ITGA7: variants seen among roughly 807,000 people sequenced by gnomAD.
ITGA7 encodes integrin subunit alpha 7.
A neutral mutation model predicts 131.6 loss-of-function variants in ITGA7; 84 were observed. The observed-to-expected ratio is 0.64, with a 90% CI of 0.54 to 0.77. ITGA7 has a LOEUF of 0.77. ITGA7 is among the 30% of genes least tolerant of loss of function. The pLI, the probability that ITGA7 is intolerant of heterozygous loss-of-function variation, is 0.00. For synonymous variants in ITGA7, 548 were observed against 600.7 expected, an observed-to-expected ratio of 0.91 and a Z score of 1.28; for missense variants, 1,399 against 1,482.9, an observed-to-expected ratio of 0.94 and a Z score of 0.93.
At chr12:55,688,553 C>T (rs187940171) in intron 22 of ITGA7, among the ~76,000 whole-genome samples, 5 of 151,994 alleles carry the variant, frequency 3.3e-5, no homozygotes, top group South Asian at 2.1e-4. Flanking sequence ...GGCAAAACCC[C>T]GTCTCTATGA....
rs780832051 is a variant in ITGA7 at position 55,702,876 on chromosome 12, A to G, written c.410T>C (p.Ile137Thr). 60 of 1,612,272 alleles carry G rather than the reference A, an allele frequency of 3.7e-5. No homozygotes were observed. Among genetic ancestry groups the G allele is most frequent in the South Asian group, 3.4e-4 (31 of 91,062 alleles). ...SVRSQGPGGK[I>T]VTCAHRYEAR... The stretch of plus-strand genomic sequence containing the variant: ...GTCATGAGAAGCAATACTCACAACA[A>G]TCTTGCCCCCAGGCCCCTGGCTCCG... The change falls in exon 3 of 25, where the codon ATT becomes ACT. Residue 137 changes from isoleucine (I) to threonine (T), a missense_variant. By Grantham distance (89) the Ile-to-Thr change is moderately conservative. Coordinates refer to ENST00000257879, the MANE Select transcript of ITGA7 (RefSeq NM_002206.3).
rs1869831481 is a variant in ITGA7, at chr12:55,685,267, T to A, written c.3205A>T (p.Lys1069Ter). Reference protein sequence around the residue: ...LWKMGFFKRAKHPEATVPQYH... With the variant: ...LWKMGFFKRA ...TGGGGCACGGTGGCCTCGGGGTGCT[T>A]CGCCCGTTTGAAGAATCCCATCTAT... The change falls in exon 25 of 25, where the codon AAG becomes TAG. Residue 1069 changes from lysine to a stop codon, truncating the protein, a stop_gained. Transcript: ENST00000257879. LOFTEE classifies it high-confidence loss of function. 6.2e-7 allele frequency: 1 copy of A among 1,614,056 alleles called. No homozygotes were observed. The highest frequency in any genetic ancestry group is 2.2e-5 in the East Asian group (1 of 44,896).
At chr12:55,690,924 A>T (rs991499184) in intron 21 of ITGA7, among the ~76,000 whole-genome samples, 8 of 151,720 alleles carry the variant, frequency 5.3e-5, no homozygotes, top group Admixed American at 5.3e-4. Context: ...AACAATGAGA[A>T]CACATGGACA....
intron 3 of ITGA7, chr12:55,701,457 A>T (rs1409097164): frequency 6.5e-7 from 1 of 1,546,668 alleles, no homozygotes; most frequent in East Asian, 2.4e-5. Context: ...ACCACATAGG[A>T]TGTGTGTCTC....
chr12:55,692,481 T>C (rs1871647669), intron 21 of ITGA7, among the ~76,000 whole-genome samples: 1 of 152,244 alleles, frequency 6.6e-6, no homozygotes, highest in Non-Finnish European at 1.5e-5. Flanking sequence ...CTTACACAAA[T>C]TGACTTTTTT....
intron 12 of ITGA7, 125 bp from the exon 13 acceptor site, chr12:55,696,557 G>C: frequency 9.0e-7 from 1 of 1,113,014 alleles, no homozygotes; most frequent in Non-Finnish European, 1.3e-6. Flanking sequence ...GAATGAGAGA[G>C]GTGGAGAACT....
intron 23 of ITGA7, 47 bp downstream of exon 23, chr12:55,688,155 G>A: frequency 6.2e-7 from 1 of 1,613,934 alleles, no homozygotes; most frequent in South Asian, 1.1e-5. Flanking sequence ...GGAGGGAGCA[G>A]GAAAGAAGAG....
chr12:55,707,839 G>A lies in ITGA7; in HGVS notation c.-157C>T. 1.7e-6 allele frequency: 1 copy of A among 572,662 alleles called. No homozygotes were observed. The allele number at this position is 572,662 out of a possible 1,614,324, so 35.5% of individuals were successfully genotyped here. A position where few individuals can be genotyped will look rare whatever the true frequency, so the allele number is the denominator to read the frequency against. On this transcript the variant is annotated 5_prime_UTR_variant, in exon 1 of 25. Coordinates refer to ENST00000257879, the MANE Select transcript of ITGA7 (RefSeq NM_002206.3). ...CCGCCAGCCCTCCCGCCCGCCCGCCGCTCCGCCACCCCGCCGCCCCAGCAC... is the reference window on the plus strand; with the variant it reads ...CCGCCAGCCCTCCCGCCCGCCCGCCACTCCGCCACCCCGCCGCCCCAGCAC...
In ITGA7 at chr12:55,685,017, G is replaced by C. The variant is rs376208846; in HGVS notation, c.*41C>G. On this transcript the variant is annotated 3_prime_UTR_variant, in exon 25 of 25. Transcript: ENST00000257879. ...ATCCCAAGGAGCCATCTCTGGGGAA[G>C]GGATGGAGGGCAGCCACAGGCCAGG... 1 of 1,486,224 alleles carries C rather than the reference G, an allele frequency of 6.7e-7. No individual in the cohort carries two copies. The highest frequency in any genetic ancestry group is 9.0e-7 in the Non-Finnish European group (1 of 1,105,540). The allele number at this position is 1,486,224 out of a possible 1,614,324, so 92.1% of individuals were successfully genotyped here.
rs199840869 is a variant in ITGA7 at position 55,694,589 on chromosome 12, G to A, written c.2277+26C>T. On this transcript the variant is annotated intron_variant, in intron 16 of 24. Transcript: ENST00000257879. The surrounding 1 kb of genome is among the most constrained non-coding windows in gnomAD (Gnocchi z 5.3). Reference sequence around the variant, plus strand: ...ACGGGCTTATGGAGAGGCTACTCACGTAGGGATAAGGGCAGATGTGCCAAC... The same window carrying A: ...ACGGGCTTATGGAGAGGCTACTCACATAGGGATAAGGGCAGATGTGCCAAC... 2.6e-4 allele frequency: 418 copies of A among 1,613,318 alleles called. No individual in the cohort carries two copies. The highest frequency in any genetic ancestry group is 9.9e-4 in the Middle Eastern group (6 of 6,058).
At chr12:55,700,398 A>C in intron 4 of ITGA7, 1 of 1,603,870 alleles carries the variant, frequency 6.2e-7, no homozygotes, top group South Asian at 1.1e-5. Flanking sequence ...CCGTGCCTGC[A>C]AGGACAGACC....
In ITGA7 at chr12:55,707,861, G is replaced by A. The variant is rs1489177449; in HGVS notation, c.-179C>T. The stretch of plus-strand genomic sequence containing the variant: ...GCCGCTCCGCCACCCCGCCGCCCCA[G>A]CACCGGCTAGGACAACTACAGCAGC... On this transcript the variant is annotated 5_prime_UTR_variant, in exon 1 of 25. Coordinates refer to ENST00000257879, the MANE Select transcript of ITGA7 (RefSeq NM_002206.3). 1.5e-5 allele frequency: 20 copies of A among 1,350,558 alleles called. No individual in the cohort carries two copies. The highest frequency in any genetic ancestry group is 1.8e-5 in the Non-Finnish European group (19 of 1,054,496). The allele number at this position is 1,350,558 out of a possible 1,614,324, so 83.7% of individuals were successfully genotyped here.
chr12:55,688,359 C>T, intron 22 of ITGA7, 59 bp from the exon 23 acceptor site: 2 of 1,168,444 alleles, frequency 1.7e-6, no homozygotes, highest in Non-Finnish European at 2.6e-6. Flanking sequence ...CTCCCTTCCC[C>T]TTACCTCCTG....
chr12:55,716,127 G>T (rs777462750), upstream of ITGA7: 4 of 1,610,426 alleles, frequency 2.5e-6, no homozygotes, highest in Non-Finnish European at 3.4e-6. Flanking sequence ...CCCCCAGCCC[G>T]ACGTGACCAT....
intron 22 of ITGA7, among the ~76,000 whole-genome samples, chr12:55,688,623 T>G (rs1444432373): frequency 6.6e-6 from 1 of 151,040 alleles, no homozygotes; most frequent in African/African-American, 2.4e-5. Flanking sequence ...CTCAGGAGGC[T>G]GAGGCAGGAG....
rs1872953247 is a variant in ITGA7 at position 55,697,680 on chromosome 12, T to G, written c.1409+15A>C. On this transcript the variant is annotated intron_variant, in intron 9 of 24. Transcript: ENST00000257879. ...CTGACGGCCTCAGGGAGGGAAAAGG[T>G]TGAGAGGGGCTCACCTGAAGAGCAC... 1 of 1,613,826 alleles carries G rather than the reference T, an allele frequency of 6.2e-7. No homozygotes were observed. The highest frequency in any genetic ancestry group is 1.3e-5 in the African/African-American group (1 of 74,826).
chr12:55,712,295 C>A, upstream of ITGA7: 4 of 1,498,010 alleles, frequency 2.7e-6, no homozygotes, highest in Non-Finnish European at 2.7e-6. Context: ...GGCCCCCTTT[C>A]TTTGAGCACT....
chr12:55,695,768 T>G (rs1872514594), intron 13 of ITGA7, 131 bp from the exon 14 acceptor site: 2 of 700,582 alleles, frequency 2.9e-6, no homozygotes, highest in Admixed American at 2.0e-5. Flanking sequence ...ATCTGCTGCT[T>G]ATTAGCCATG....
chr12:55,696,151 G>A (rs1872576040), intron 13 of ITGA7, 132 bp downstream of exon 13: 2 of 974,316 alleles, frequency 2.1e-6, no homozygotes, highest in Non-Finnish European at 3.1e-6. Context: ...TAGGCACCTA[G>A]AGATATGAGG....
Sources: allele counts gnomAD v4.1 joint callset (sites outside exome capture counted in the v4.1 genomes callset), GRCh38; gene constraint gnomAD v4.1.1; non-coding constraint Gnocchi (gnomAD v3.1); transcripts MANE v1.5; gene names NCBI Gene and HGNC (gene_info 2026-07-23, HGNC 2026-07-21).